The following GRK3 variants were observed in gnomAD, a reference collection of about 807,000 sequenced individuals.
GRK3 encodes adrenergic, beta, receptor kinase 2.
In GRK3, 54 loss-of-function variants were observed where a neutral mutation model predicts 95.7. That is an observed-to-expected ratio of 0.56 (90% CI 0.45 to 0.71). The LOEUF is 0.71. Ranked by LOEUF, GRK3 falls within the 30% of genes least tolerant of loss-of-function variation. The probability of loss-of-function intolerance (pLI) is 0.00; values close to 1 mark genes in which losing one functional copy is unlikely to be tolerated. For synonymous variants in GRK3, 281 were observed against 290.8 expected, an observed-to-expected ratio of 0.97 and a Z score of 0.34; for missense variants, 649 against 851.2, an observed-to-expected ratio of 0.76 and a Z score of 2.96.
intron 1 of GRK3, among the ~76,000 whole-genome samples, chr22:25,575,320 G>A (rs112581453): frequency 0.023 from 3,572 of 152,300 alleles, 48 homozygotes; most frequent in East Asian, 0.037. Context: ...AGCTGGGGTA[G>A]CATAGATGAT....
chr22:25,712,626 G>T (rs145264521), intron 17 of GRK3, among the ~76,000 whole-genome samples: 100 of 152,370 alleles, frequency 6.6e-4, no homozygotes, highest in Non-Finnish European at 1.2e-3. Flanking sequence ...GCTGGGATCT[G>T]CCACTGAGCT....
chr22:25,671,828 A>G (rs532273212), intron 6 of GRK3, among the ~76,000 whole-genome samples: 4 of 152,368 alleles, frequency 2.6e-5, no homozygotes, highest in Non-Finnish European at 5.9e-5. Flanking sequence ...GTAGCCAGAT[A>G]CAGCTATTGA....
rs755538776 is a variant in GRK3, at chr22:25,678,920, G to A, written c.747+5G>A. The A allele has an allele frequency of 1.3e-6, 2 of 1,499,044 alleles. No individual in the cohort carries two copies. Among genetic ancestry groups the A allele is most frequent in the Admixed American group, 4.1e-5 (2 of 49,230 alleles). The allele number at this position is 1,499,044 out of a possible 1,614,324, so 92.9% of individuals were successfully genotyped here. On this transcript the variant is annotated splice_donor_5th_base_variant and intron_variant, in intron 9 of 20. Transcript: ENST00000324198. ...TTGTCTCTTGTCAGCACAGGAGTAAGTATTCAATTTCCAGCATTTCTTTTA... is the reference window on the plus strand; with the variant it reads ...TTGTCTCTTGTCAGCACAGGAGTAAATATTCAATTTCCAGCATTTCTTTTA...
chr22:25,703,879 A>C (rs116017585), intron 14 of GRK3, among the ~76,000 whole-genome samples: 2,010 of 152,334 alleles, frequency 0.013, 46 homozygotes, highest in African/African-American at 0.046. Flanking sequence ...GAAATTACTG[A>C]GATGCCAACG....
intron 6 of GRK3, among the ~76,000 whole-genome samples, chr22:25,672,016 A>C (rs548601826): frequency 1.3e-5 from 2 of 152,352 alleles, no homozygotes; most frequent in East Asian, 3.9e-4. Flanking sequence ...ATTACATTAT[A>C]TATGTGGTTC....
At chr22:25,671,623 C>T (rs1480562374) in intron 6 of GRK3, among the ~76,000 whole-genome samples, 1 of 152,182 alleles carries the variant, frequency 6.6e-6, no homozygotes, top group Non-Finnish European at 1.5e-5. Flanking sequence ...TGACCTTGGC[C>T]AAGCCTCTGA....
At chr22:25,713,679 C>A (rs1001466943) in intron 17 of GRK3, among the ~76,000 whole-genome samples, 1 of 152,224 alleles carries the variant, frequency 6.6e-6, no homozygotes, top group Non-Finnish European at 1.5e-5. Flanking sequence ...AGTTCACATG[C>A]AGAAAACCAT....
intron 2 of GRK3, among the ~76,000 whole-genome samples, chr22:25,641,160 AAAT>A (rs1446787211): frequency 6.6e-6 from 1 of 152,210 alleles, no homozygotes; most frequent in Non-Finnish European, 1.5e-5. Context: ...CATAGGAGGA[AAAT>A]AATATTTTGT....
chr22:25,587,511 C>T (rs546253439), intron 1 of GRK3, among the ~76,000 whole-genome samples: 2 of 152,328 alleles, frequency 1.3e-5, no homozygotes, highest in East Asian at 1.9e-4. Context: ...TCACTGCAAT[C>T]TCTGCCTCCC....
chr22:25,636,102 T>C (rs111879608), intron 2 of GRK3, among the ~76,000 whole-genome samples: 3,980 of 152,264 alleles, frequency 0.026, 56 homozygotes, highest in African/African-American at 0.039. Flanking sequence ...CTACAAGTGC[T>C]TGCTTACTTT....
intron 3 of GRK3, among the ~76,000 whole-genome samples, chr22:25,647,020 C>CAAAAAAAAAAAAAAAAAAAAA (rs1025786169): frequency 2.8e-4 from 15 of 53,956 alleles, no homozygotes; most frequent in Non-Finnish European, 4.2e-4. Context: ...GACTTTGTCT[C>CAAAAAAAAAAAAAAAAAAAAA]AAAAAAAAAA....
intron 17 of GRK3, among the ~76,000 whole-genome samples, chr22:25,714,138 A>T (rs1020563740): frequency 6.6e-6 from 1 of 152,234 alleles, no homozygotes; most frequent in Non-Finnish European, 1.5e-5. Flanking sequence ...AAAACATGTC[A>T]TGAAGATAGT....
chr22:25,682,984 C>T (rs1354852470), intron 9 of GRK3, among the ~76,000 whole-genome samples: 3 of 152,252 alleles, frequency 2.0e-5, no homozygotes, highest in East Asian at 1.9e-4. Flanking sequence ...GTGTTGCCCA[C>T]GGCTGTAACT....
intron 15 of GRK3, among the ~76,000 whole-genome samples, chr22:25,707,549 T>A (rs1416072913): frequency 6.6e-6 from 1 of 152,106 alleles, no homozygotes; most frequent in Non-Finnish European, 1.5e-5. Context: ...CAGGTCCAGA[T>A]AGTGAGAAGT....
intron 1 of GRK3, among the ~76,000 whole-genome samples, chr22:25,569,779 C>T (rs1931619480): frequency 1.3e-5 from 2 of 152,206 alleles, no homozygotes; most frequent in Non-Finnish European, 1.5e-5. Flanking sequence ...GTAATAACTG[C>T]CTTTAATTGA....
chr22:25,566,896 AG>A (rs1453529868), intron 1 of GRK3, among the ~76,000 whole-genome samples: 1 of 146,986 alleles, frequency 6.8e-6, no homozygotes, highest in African/African-American at 2.6e-5. Flanking sequence ...ACTCATGGGC[AG>A]TTTTTTTTTT....
intron 1 of GRK3, among the ~76,000 whole-genome samples, chr22:25,579,900 T>C (rs950618134): frequency 2.6e-5 from 4 of 152,206 alleles, no homozygotes; most frequent in African/African-American, 9.7e-5. Context: ...ATGTATGATA[T>C]CGCTAAATGA....
intron 13 of GRK3, among the ~76,000 whole-genome samples, chr22:25,696,810 A>G (rs1250703510): frequency 6.6e-6 from 1 of 152,258 alleles, no homozygotes. Context: ...CTAAAATTGT[A>G]TTATTGCTTA....
Position 25,687,556 on chromosome 22 carries a change from C to T in GRK3, c.846C>T (p.His282=), listed in dbSNP as rs138057738. ...DLMNGGDLHY[H]LSQHGVFSEK... ...TTCCAGGGGGCGATTTGCACTACCA[C>T]CTTTCACAACACGGTGTGTTCTCTG... The change falls in exon 11 of 21, where the codon CAC becomes CAT. Residue 282 remains histidine, a synonymous_variant. Coordinates refer to ENST00000324198, the MANE Select transcript of GRK3 (RefSeq NM_005160.4). 129 of 1,613,966 alleles carry T rather than the reference C, an allele frequency of 8.0e-5. No homozygotes were observed. Among genetic ancestry groups the T allele is most frequent in the Admixed American group, 1.3e-4 (8 of 59,982 alleles).
Sources: allele counts gnomAD v4.1 joint callset (sites outside exome capture counted in the v4.1 genomes callset), GRCh38; gene constraint gnomAD v4.1.1; transcripts MANE v1.5; gene names NCBI Gene and HGNC (gene_info 2026-07-23, HGNC 2026-07-21).